EPB41: variants seen among roughly 807,000 people sequenced by gnomAD.
The protein encoded by EPB41 is protein 4.1.
EPB41 carries 65 observed loss-of-function variants against 108.0 expected under a neutral mutation model. That is an observed-to-expected ratio of 0.60 (90% confidence interval 0.49 to 0.74). The LOEUF (loss-of-function observed/expected upper bound fraction) is 0.74, where lower values mean the gene tolerates loss of function less well. Among genes scored for constraint, EPB41 ranks in the 30% least tolerant of loss-of-function variants. The pLI, the probability that EPB41 is intolerant of heterozygous loss-of-function variation, is 0.00. For synonymous variants in EPB41, 336 were observed against 358.9 expected, an observed-to-expected ratio of 0.94 and a Z score of 0.72; for missense variants, 875 against 1,037.0, an observed-to-expected ratio of 0.84 and a Z score of 2.15.
Position 28,982,448 on chromosome 1 carries a change from C to G in EPB41, c.-7-4983C>G, listed in dbSNP as rs1571897555. On this transcript the variant is annotated intron_variant, in intron 1 of 20. Transcript: ENST00000343067. Reference sequence around the variant, plus strand: ...GTGATCTTCTTCTTGCCCATGGCAGCTGTCACTTTGCAGGGGTAGTGGTCA... The same window carrying G: ...GTGATCTTCTTCTTGCCCATGGCAGGTGTCACTTTGCAGGGGTAGTGGTCA... The G allele has an allele frequency of 1.2e-5, 9 of 763,158 alleles. No homozygotes were observed. In the South Asian group the frequency reaches 1.2e-4, roughly 10 times the overall value. The allele number at this position is 763,158 out of a possible 1,614,324, so 47.3% of individuals were successfully genotyped here. A position where few individuals can be genotyped will look rare whatever the true frequency, so the allele number is the denominator to read the frequency against.
intron 18 of EPB41, among the ~76,000 whole-genome samples, chr1:29,111,926 G>A (rs1451226445): frequency 6.7e-6 from 1 of 149,886 alleles, no homozygotes; most frequent in African/African-American, 2.5e-5. Flanking sequence ...GCAGTGAGCC[G>A]AGATCACACC....
At chr1:29,033,567 A>G (rs989022338) in intron 9 of EPB41, among the ~76,000 whole-genome samples, 4 of 152,224 alleles carry the variant, frequency 2.6e-5, no homozygotes, top group Non-Finnish European at 5.9e-5. Context: ...AGATTTTAAA[A>G]TTATTTATAG....
intron 1 of EPB41, among the ~76,000 whole-genome samples, chr1:28,933,416 C>T (rs1404403938): frequency 6.6e-6 from 1 of 152,160 alleles, no homozygotes; most frequent in Non-Finnish European, 1.5e-5. Flanking sequence ...GGTGCTAAGA[C>T]TCAATGTTTA....
chr1:28,891,757 T>C (rs1378592769), intron 1 of EPB41, among the ~76,000 whole-genome samples: 1 of 152,158 alleles, frequency 6.6e-6, no homozygotes, highest in East Asian at 1.9e-4. Context: ...TCTGTTGAGA[T>C]GCTTTATCCA....
chr1:28,978,414 C>T (rs2095658268), intron 1 of EPB41, among the ~76,000 whole-genome samples: 1 of 151,570 alleles, frequency 6.6e-6, no homozygotes, highest in African/African-American at 2.4e-5. Flanking sequence ...CCCAAAATCA[C>T]AATCACAGGG....
intron 1 of EPB41, among the ~76,000 whole-genome samples, chr1:28,967,450 G>A (rs2095388038): frequency 6.6e-6 from 1 of 152,188 alleles, no homozygotes; most frequent in Admixed American, 6.5e-5. Context: ...ACTATTTAAT[G>A]TGAGGAACAG....
At position 28,955,913 on chromosome 1, in the gene EPB41, A is replaced by G. The variant is rs569198586; in HGVS notation, c.-7-31518A>G. Among the ~76,000 whole-genome samples the G allele has an allele frequency of 2.6e-5, 4 of 152,366 alleles. No homozygotes were observed. The South Asian group carries it at 8.3e-4, about 32-fold the overall frequency. On this transcript the variant is annotated intron_variant, in intron 1 of 20. Coordinates refer to ENST00000343067, the MANE Select transcript of EPB41 (RefSeq NM_001376013.1). ...TTCAGAAAAATCATAGTTAACTGTT[A>G]TATAATAAACACTATAACTTTTGTG...
Position 29,018,183 on chromosome 1 carries a change from G to A in EPB41, c.906-41G>A. ...CCTTTTTCTCTCTTTATATTTTGTT[G>A]TTGTTGTTGCTGACATAACATTTTT... On this transcript the variant is annotated intron_variant, in intron 6 of 20. Coordinates refer to ENST00000343067, the MANE Select transcript of EPB41 (RefSeq NM_001376013.1). The surrounding 1 kb of genome is among the most constrained non-coding windows in gnomAD (Gnocchi z 4.4). The A allele has an allele frequency of 6.5e-7, 1 of 1,541,068 alleles. No homozygotes were observed. Among genetic ancestry groups the A allele is most frequent in the South Asian group, 1.1e-5 (1 of 87,886 alleles).
intron 8 of EPB41, among the ~76,000 whole-genome samples, chr1:29,032,110 A>G (rs2096797379): frequency 6.6e-6 from 1 of 151,660 alleles, no homozygotes; most frequent in South Asian, 2.1e-4. Context: ...AAAAAAAAAA[A>G]AAAAAGAAAA....
intron 1 of EPB41, among the ~76,000 whole-genome samples, chr1:28,917,939 G>T (rs150082): frequency 0.79 from 120,543 of 151,942 alleles, 48,593 homozygotes; most frequent in East Asian, 0.92. Flanking sequence ...GTGTGTAATT[G>T]TTGGTGTGAA....
At chr1:29,076,759 T>A (rs957661943) in intron 16 of EPB41, among the ~76,000 whole-genome samples, 1 of 152,194 alleles carries the variant, frequency 6.6e-6, no homozygotes, top group Non-Finnish European at 1.5e-5. Context: ...AGAGGCTCTT[T>A]AGGCCAAGCA....
intron 17 of EPB41, among the ~76,000 whole-genome samples, chr1:29,108,974 G>A (rs1574047147): frequency 1.3e-5 from 2 of 151,716 alleles, no homozygotes; most frequent in South Asian, 2.1e-4. Flanking sequence ...CGAGGCAGGC[G>A]GATCACCTGA....
intron 16 of EPB41, among the ~76,000 whole-genome samples, chr1:29,080,076 G>A (rs1327645887): frequency 6.6e-6 from 1 of 150,810 alleles, no homozygotes; most frequent in Non-Finnish European, 1.5e-5. Context: ...TTACCAATAA[G>A]TCAGAATAAG....
intron 16 of EPB41, chr1:29,069,228 C>G: frequency 8.1e-7 from 1 of 1,231,618 alleles, no homozygotes; most frequent in Non-Finnish European, 1.0e-6. Flanking sequence ...CAGTGTTGAA[C>G]TTCCAAACTG....
chr1:29,019,344 A>C (rs2096614579), intron 7 of EPB41, among the ~76,000 whole-genome samples: 1 of 152,198 alleles, frequency 6.6e-6, no homozygotes, highest in East Asian at 1.9e-4. Context: ...GGCTGCCATG[A>C]GCTGAGATCA....
At chr1:29,069,291 A>G in intron 16 of EPB41, 1 of 1,231,656 alleles carries the variant, frequency 8.1e-7, no homozygotes, top group Non-Finnish European at 1.0e-6. Context: ...TTTTCCTTTC[A>G]TAGATAACAT....
At chr1:28,946,252 A>G (rs1000429642) in intron 1 of EPB41, among the ~76,000 whole-genome samples, 2 of 151,418 alleles carry the variant, frequency 1.3e-5, no homozygotes, top group African/African-American at 2.4e-5. Flanking sequence ...CTGGAGTGCA[A>G]TGGCGCAATT....
At chr1:28,946,625 A>AG (rs2094498403) in intron 1 of EPB41, among the ~76,000 whole-genome samples, 1 of 152,258 alleles carries the variant, frequency 6.6e-6, no homozygotes, top group Non-Finnish European at 1.5e-5. Context: ...CAACTTCAAT[A>AG]ACATATGATT....
At chr1:28,927,699 TTC>T (rs1221404348) in intron 1 of EPB41, among the ~76,000 whole-genome samples, 1 of 152,174 alleles carries the variant, frequency 6.6e-6, no homozygotes, top group Non-Finnish European at 1.5e-5. Flanking sequence ...TCTTAAATGA[TTC>T]TCTGGCTGAA....
Sources: gnomAD v4.1 joint callset for allele counts (sites outside exome capture counted in the v4.1 genomes callset) on GRCh38, gnomAD v4.1.1 for gene constraint, Gnocchi (gnomAD v3.1) non-coding constraint, MANE v1.5 for transcripts, NCBI Gene and HGNC (gene_info 2026-07-23, HGNC 2026-07-21) for gene names.